Variants in FASN observed in about 807,000 individuals in gnomAD.
FASN encodes fatty acid synthase, also known as 3-hydroxyacyl-[acyl-carrier-protein] dehydratase.
Under a neutral mutation model 250.0 loss-of-function variants are expected in FASN, and 50 were observed. The ratio of observed to expected loss-of-function variants is 0.20; its 90% confidence interval spans 0.16 to 0.25. The LOEUF is 0.25. FASN is among the 10% of genes least tolerant of loss of function. The pLI, the probability that FASN is intolerant of heterozygous loss-of-function variation, is 1.00. For synonymous variants in FASN, 1,909 were observed against 1,584.0 expected (o/e 1.21, Z -4.87); for missense variants, 3,031 against 3,498.5 (o/e 0.87, Z 3.37).
At chr17:82,091,914 C>T (rs1277121339) in intron 8 of FASN, among the ~76,000 whole-genome samples, 1 of 152,232 alleles carries the variant, frequency 6.6e-6, no homozygotes, top group African/African-American at 2.4e-5. Context: ...CTTGCTGCCT[C>T]CCAGCCTGAT....
chr17:82,079,794 C>T (rs1034586569), intron 41 of FASN, 186 bp from the exon 42 acceptor site: 15 of 813,720 alleles, frequency 1.8e-5, no homozygotes, highest in East Asian at 2.7e-5. Context: ...CTCCTCCCTC[C>T]GCAACCTCCA....
In FASN at chr17:82,088,520, G is replaced by C. The variant is rs1035887980; in HGVS notation, c.2463C>G (p.Phe821Leu). The change falls in exon 16 of 43, where the codon TTC becomes TTG. Residue 821 changes from phenylalanine to leucine, a missense_variant. Phe to Leu is a conservative substitution (Grantham distance 22, BLOSUM62 0). Transcript: ENST00000306749. ...NPNALFPPVEFPAPRGTPLIS... is the reference protein window; with the variant it reads ...NPNALFPPVELPAPRGTPLIS... ...TGAGGGGAGTTCCTCGGGGAGCTGGGAACTCCACAGGTGGGAACAAGGCAT... is the reference window on the plus strand; with the variant it reads ...TGAGGGGAGTTCCTCGGGGAGCTGGCAACTCCACAGGTGGGAACAAGGCAT... 1.2e-6 allele frequency: 2 copies of C among 1,608,174 alleles called. No individual in the cohort carries two copies. Among genetic ancestry groups the C allele is most frequent in the Non-Finnish European group, 1.7e-6 (2 of 1,176,630 alleles).
intron 3 of FASN, chr17:82,094,245 T>G: frequency 4.0e-6 from 1 of 252,302 alleles, no homozygotes; most frequent in South Asian, 4.4e-5. Flanking sequence ...GTGTCCAGGC[T>G]CGGGAAGGAG....
chr17:82,089,477 CGA>C, intron 12 of FASN, 93 bp from the exon 13 acceptor site: 1 of 1,604,714 alleles, frequency 6.2e-7, no homozygotes, highest in Non-Finnish European at 8.5e-7. Context: ...CCAAGGGAAC[CGA>C]GAGGGAATGG....
In FASN at chr17:82,079,998, G is replaced by C; in HGVS notation, c.7146+142C>G. The C allele has an allele frequency of 3.2e-6, 3 of 934,150 alleles. No individual in the cohort carries two copies. The Admixed American group carries it at 5.9e-5, about 18-fold the overall frequency. 57.9% of individuals were successfully genotyped at this position (934,150 alleles called of 1,614,324 possible). ...GCCGGGATTACAGGCATGAGCAACC[G>C]CATCCGGCCGGGATCGGCTATTAAA... On this transcript the variant is annotated intron_variant, in intron 41 of 42. Coordinates refer to ENST00000306749, the MANE Select transcript of FASN (RefSeq NM_004104.5).
chr17:82,086,152 C>T (rs1030675955), intron 22 of FASN, 102 bp downstream of exon 22: 80 of 1,520,956 alleles, frequency 5.3e-5, no homozygotes, highest in East Asian at 1.7e-4. Context: ...CCCCACCCAC[C>T]GCCCAGGGCC....
At position 82,081,641 on chromosome 17, in the gene FASN, G is replaced by T; in HGVS notation, c.6366C>A (p.Asp2122Glu). 6.2e-7 allele frequency: 1 copy of T among 1,612,438 alleles called. No homozygotes were observed. The highest frequency in any genetic ancestry group is 8.5e-7 in the Non-Finnish European group (1 of 1,179,722). ...AEKAAAYRDR[D>E]SQRDLVEAVA... ...CGGCCTCCACCAGGTCCCGCTGGCT[G>T]TCCCTGTCCCTATAGGCCGCAGCCT... The change falls in exon 37 of 43, where the codon GAC (aspartate) becomes GAA (glutamate). Residue 2122 changes from aspartate (D) to glutamate (E), a missense_variant. Transcript: ENST00000306749.
At position 82,098,194 on chromosome 17, in the gene FASN, G is replaced by A; in HGVS notation, c.-81C>T. 8.2e-6 allele frequency: 3 copies of A among 365,292 alleles called. No individual in the cohort carries two copies. The highest frequency in any genetic ancestry group is 1.5e-5 in the Non-Finnish European group (3 of 204,522). The allele number at this position is 365,292 out of a possible 1,614,324, so 22.6% of individuals were successfully genotyped here. A position where few individuals can be genotyped will look rare whatever the true frequency, so the allele number is the denominator to read the frequency against. On this transcript the variant is annotated 5_prime_UTR_variant, in exon 1 of 43. Transcript: ENST00000306749. ...GCGCGGCGGAGCGGGAGGCTGAAGCGCGGCGGAGAGGGAGGCCGGGGCCGC... is the reference window on the plus strand; with the variant it reads ...GCGCGGCGGAGCGGGAGGCTGAAGCACGGCGGAGAGGGAGGCCGGGGCCGC...
rs763095373 is a variant in FASN at position 82,080,212 on chromosome 17, G to A, written c.7074C>T (p.Gly2358=). The A allele has an allele frequency of 2.5e-6, 4 of 1,613,190 alleles. No homozygotes were observed. The highest frequency in any genetic ancestry group is 1.1e-5 in the South Asian group (1 of 91,092). ...TQSYRAKLTP[G]CEAEAETEAI... ...CCTCCGTCTCAGCCTCAGCCTCACA[G>A]CCTGGGGTCAGCTTTGCCCGGTAGC... is the stretch of plus-strand genomic sequence containing the variant. Residue 2358 remains glycine (G), a synonymous_variant, in exon 41 of 43, where the codon GGC becomes GGT. Coordinates refer to ENST00000306749, the MANE Select transcript of FASN (RefSeq NM_004104.5).
intron 3 of FASN, chr17:82,094,153 C>T (rs1381960890): frequency 2.8e-6 from 1 of 359,738 alleles, no homozygotes; most frequent in South Asian, 2.3e-5. Flanking sequence ...CTGATGAGCC[C>T]GTCGGCCAGT....
rs2033961789 is a variant in FASN at position 82,080,181 on chromosome 17, A to G, written c.7105T>C (p.Cys2369Arg). The change falls in exon 41 of 43, where the codon TGC becomes CGC. Residue 2369 changes from cysteine (C) to arginine (R), a missense_variant. Transcript: ENST00000306749. ...CEAEAETEAI[C>R]FFVQQFTDME... Reference sequence around the variant, plus strand: ...TCCGTGAACTGCTGCACGAAGAAGCATATGGCCTCCGTCTCAGCCTCAGCC... The same window carrying G: ...TCCGTGAACTGCTGCACGAAGAAGCGTATGGCCTCCGTCTCAGCCTCAGCC... The G allele has an allele frequency of 1.2e-6, 2 of 1,613,094 alleles. No individual in the cohort carries two copies. The highest frequency in any genetic ancestry group is 1.1e-5 in the South Asian group (1 of 91,092).
chr17:82,086,205 G>A (rs1225809814), intron 22 of FASN, 49 bp downstream of exon 22: 1 of 1,535,594 alleles, frequency 6.5e-7, no homozygotes, highest in Admixed American at 2.0e-5. Context: ...TGTCAGGGTG[G>A]GTCCTACCAT....
In FASN at chr17:82,092,721, G is replaced by C. The variant is rs151114755; in HGVS notation, c.870C>G (p.Ile290Met). ...CCTTGGTGCCTGTGCCGTGGGCTTC[G>C]ATGTATTCAAATGACTCAGGGGCCA... Reference protein sequence around the residue: ...AGVAPESFEYIEAHGTGTKVG... With the variant: ...AGVAPESFEYMEAHGTGTKVG... Residue 290 changes from isoleucine to methionine, a missense_variant, in exon 7 of 43, where the codon ATC becomes ATG. Transcript: ENST00000306749. The C allele has an allele frequency of 2.1e-5, 34 of 1,599,646 alleles. No individual in the cohort carries two copies. The highest frequency in any genetic ancestry group is 5.1e-5 in the Admixed American group (3 of 59,024).
At chr17:82,081,951 G>T (rs2033996525) in intron 36 of FASN, 58 bp downstream of exon 36, 1 of 1,119,550 alleles carries the variant, frequency 8.9e-7, no homozygotes, top group East Asian at 2.9e-5. Flanking sequence ...TGGGGGTGGG[G>T]AGTGGCCACT....
At position 82,090,505 on chromosome 17, in the gene FASN, G is replaced by A. The variant is rs746029897; in HGVS notation, c.1740C>T (p.His580=). 8.7e-6 allele frequency: 14 copies of A among 1,611,554 alleles called. No homozygotes were observed. The highest frequency in any genetic ancestry group is 2.2e-5 in the East Asian group (1 of 44,834). ...AGCCACAGGCCACCTCCCCCAGGGAGTGGCCGACGATGCCATCTGGCCTCA... is the reference window on the plus strand; with the variant it reads ...AGCCACAGGCCACCTCCCCCAGGGAATGGCCGACGATGCCATCTGGCCTCA... ...MGLRPDGIVG[H]SLGEVACGYA... is the part of the protein sequence containing the mutation. The change falls in exon 11 of 43, where the codon CAC becomes CAT. Residue 580 remains histidine (H), a synonymous_variant. Coordinates refer to ENST00000306749, the MANE Select transcript of FASN (RefSeq NM_004104.5).
In FASN at chr17:82,091,465, G is replaced by C. The variant is rs1160442325; in HGVS notation, c.1249C>G (p.His417Asp). Reference protein sequence around the residue: ...NTQPPPAPAPHATLPRLLRAS... With the variant: ...NTQPPPAPAPDATLPRLLRAS... ...CGCAGCAGACGGGGCAGGGTGGCAT[G>C]TGGGGCGGGTGCGGGGGGCGGCTGC... The change falls in exon 9 of 43, where the codon CAT becomes GAT. Residue 417 changes from histidine to aspartate, a missense_variant. By Grantham distance (81) the His-to-Asp change is moderately conservative (BLOSUM62 -1). Transcript: ENST00000306749. The C allele has an allele frequency of 1.2e-6, 2 of 1,606,066 alleles. No homozygotes were observed. The highest frequency in any genetic ancestry group is 2.7e-5 in the African/African-American group (2 of 74,858).
rs1235011363 is a variant in FASN, at chr17:82,082,306, G to A, written c.6011+17C>T. 1.4e-5 allele frequency: 23 copies of A among 1,611,804 alleles called. No individual in the cohort carries two copies. In the Admixed American group the frequency reaches 2.8e-4, roughly 20 times the overall value. On this transcript the variant is annotated intron_variant, in intron 35 of 42. Coordinates refer to ENST00000306749, the MANE Select transcript of FASN (RefSeq NM_004104.5). ...CAGAGCCCGGCAGAGGCGGGAGCAG[G>A]GCTGTGCGGTACCCACCTGTCCAGG... is the stretch of plus-strand genomic sequence containing the variant.
chr17:82,094,065 G>A (rs913888000), intron 3 of FASN: 1 of 512,994 alleles, frequency 1.9e-6, no homozygotes, highest in Non-Finnish European at 3.6e-6. Flanking sequence ...ACCAGGCACG[G>A]CCAGAGTGGC....
At chr17:82,091,758 C>T in intron 8 of FASN, 74 bp from the exon 9 acceptor site, 1 of 1,352,578 alleles carries the variant, frequency 7.4e-7, no homozygotes. Flanking sequence ...CAGGCACCTC[C>T]CCGAGACTCT....
Sources: allele counts gnomAD v4.1 joint callset (sites outside exome capture counted in the v4.1 genomes callset), GRCh38; gene constraint gnomAD v4.1.1; transcripts MANE v1.5; gene names NCBI Gene and HGNC (gene_info 2026-07-23, HGNC 2026-07-21).